Variants in FGF14 observed in about 807,000 individuals in gnomAD.
The protein encoded by FGF14 is fibroblast growth factor 14.
A neutral mutation model predicts 25.5 loss-of-function variants in FGF14; 5 were observed. That is an observed-to-expected ratio of 0.20 (90% CI 0.10 to 0.41). FGF14 has a LOEUF of 0.41. FGF14 is among the 10% of genes least tolerant of loss of function. The probability of loss-of-function intolerance (pLI) is 1.00; values close to 1 mark genes in which losing one functional copy is unlikely to be tolerated. For synonymous variants in FGF14, 138 were observed against 118.3 expected (o/e 1.17, Z -1.08); for missense variants, 222 against 320.1 (o/e 0.69, Z 2.34).
chr13:102,106,054 T>A (rs2044894844), intron 1 of FGF14, among the ~76,000 whole-genome samples: 1 of 152,154 alleles, frequency 6.6e-6, no homozygotes, highest in Admixed American at 6.5e-5. Flanking sequence ...AAGATCAACA[T>A]ATTTTTACAT....
intron 1 of FGF14, among the ~76,000 whole-genome samples, chr13:101,996,764 C>T (rs906009956): frequency 4.6e-5 from 7 of 152,192 alleles, no homozygotes; most frequent in Non-Finnish European, 7.3e-5. Context: ...GTTTTCATTG[C>T]TCTTCCTTCC....
chr13:101,809,176 A>G (rs1188373919), intron 3 of FGF14, among the ~76,000 whole-genome samples: 1 of 152,156 alleles, frequency 6.6e-6, no homozygotes, highest in Non-Finnish European at 1.5e-5. Flanking sequence ...TATGTTTTAC[A>G]ATAACATAAT....
intron 2 of FGF14, 147 bp downstream of exon 2, chr13:101,875,039 T>A (rs144078402): frequency 5.8e-6 from 4 of 689,144 alleles, no homozygotes; most frequent in Admixed American, 4.2e-5. Flanking sequence ...GTAGTTTAAA[T>A]AAAATTGTAA....
At chr13:101,890,124 C>T (rs146807159) in intron 1 of FGF14, among the ~76,000 whole-genome samples, 2 of 152,212 alleles carry the variant, frequency 1.3e-5, no homozygotes, top group East Asian at 3.9e-4. Flanking sequence ...GACATAGCTC[C>T]TTTAGACTAA....
At chr13:102,010,882 G>C (rs781383074) in intron 1 of FGF14, among the ~76,000 whole-genome samples, 8 of 152,190 alleles carry the variant, frequency 5.3e-5, no homozygotes, top group Non-Finnish European at 8.8e-5. Context: ...TAGGGATGAA[G>C]GATGAGAGAA....
At chr13:102,066,956 A>C (rs780298750) in intron 1 of FGF14, among the ~76,000 whole-genome samples, 2 of 152,160 alleles carry the variant, frequency 1.3e-5, no homozygotes, top group African/African-American at 2.4e-5. Context: ...ACAGAAAGTA[A>C]AAAATTGTAT....
At position 101,721,297 on chromosome 13, in the gene FGF14, T is replaced by TCAA. The variant is rs1751563706; in HGVS notation, c.*1531_*1533dup. The TCAA allele has an allele frequency of 6.6e-6, 1 of 152,180 alleles. No individual in the cohort carries two copies. Among genetic ancestry groups the TCAA allele is most frequent in the Admixed American group, 6.5e-5 (1 of 15,270 alleles). The allele number at this position is 152,180 out of a possible 1,614,324, so 9.4% of individuals were successfully genotyped here. A position where few individuals can be genotyped will look rare whatever the true frequency, so the allele number is the denominator to read the frequency against. The stretch of plus-strand genomic sequence containing the variant: ...TTTGCATGGAATCTTCATTGTGTAG[T>TCAA]CAACTGTTCCTGGCCTTTCTTGGTA... On this transcript the variant is annotated 3_prime_UTR_variant, in exon 5 of 5. Transcript: ENST00000376143.
intron 1 of FGF14, among the ~76,000 whole-genome samples, chr13:102,068,974 TC>T (rs1447228429): frequency 2.0e-5 from 3 of 152,170 alleles, no homozygotes; most frequent in Non-Finnish European, 4.4e-5. Context: ...TATGTCTAGC[TC>T]GGGATTGTAA....
intron 1 of FGF14, among the ~76,000 whole-genome samples, chr13:102,140,188 T>C (rs2046590395): frequency 6.6e-6 from 1 of 152,078 alleles, no homozygotes; most frequent in East Asian, 1.9e-4. Flanking sequence ...ATGGGGATAA[T>C]AATGGGGTCT....
chr13:101,752,108 A>C (rs1223505805), intron 3 of FGF14, among the ~76,000 whole-genome samples: 4 of 152,144 alleles, frequency 2.6e-5, no homozygotes, highest in Non-Finnish European at 5.9e-5. Context: ...AGCATTCTAC[A>C]CCATATATTT....
intron 3 of FGF14, among the ~76,000 whole-genome samples, chr13:101,782,102 C>T (rs928108285): frequency 6.6e-6 from 1 of 152,158 alleles, no homozygotes; most frequent in Non-Finnish European, 1.5e-5. Context: ...CTAATGTCTA[C>T]TGAATATTCT....
chr13:102,001,711 T>C (rs952065975), intron 1 of FGF14, among the ~76,000 whole-genome samples: 19 of 152,196 alleles, frequency 1.2e-4, no homozygotes, highest in Non-Finnish European at 2.5e-4. Flanking sequence ...AATGAAGGCC[T>C]AATTTCATCT....
intron 1 of FGF14, among the ~76,000 whole-genome samples, chr13:102,129,863 A>G (rs923555452): frequency 4.5e-4 from 68 of 152,314 alleles, no homozygotes; most frequent in African/African-American, 1.5e-3. Flanking sequence ...CCAACCTGGT[A>G]AATTAAAGTT....
intron 1 of FGF14, among the ~76,000 whole-genome samples, chr13:102,356,399 T>A (rs557479489): frequency 6.6e-6 from 1 of 152,370 alleles, no homozygotes; most frequent in East Asian, 1.9e-4. Context: ...GAAAGAGTTG[T>A]AATTGCTTTA....
chr13:102,305,418 T>A (rs564761244), intron 1 of FGF14, among the ~76,000 whole-genome samples: 1 of 152,246 alleles, frequency 6.6e-6, no homozygotes, highest in South Asian at 2.1e-4. Context: ...ACCAATCAAA[T>A]GTGGATTGCC....
intron 1 of FGF14, among the ~76,000 whole-genome samples, chr13:101,970,442 T>C (rs2037523428): frequency 6.6e-6 from 1 of 152,180 alleles, no homozygotes; most frequent in Admixed American, 6.5e-5. Flanking sequence ...TAATCAAATA[T>C]TCAGATCCTG....
At chr13:102,371,544 G>A (rs149251976) in intron 1 of FGF14, among the ~76,000 whole-genome samples, 2 of 152,184 alleles carry the variant, frequency 1.3e-5, no homozygotes, top group African/African-American at 4.8e-5. Flanking sequence ...TCATTTCATT[G>A]TTATAGCTCT....
At chr13:102,145,351 T>C (rs1054854858) in intron 1 of FGF14, among the ~76,000 whole-genome samples, 53 of 152,154 alleles carry the variant, frequency 3.5e-4, no homozygotes, top group African/African-American at 1.3e-3. Context: ...GACGTCTGGA[T>C]CTGCTAAAGC....
intron 1 of FGF14, among the ~76,000 whole-genome samples, chr13:101,943,514 C>G (rs1278537469): frequency 6.6e-6 from 1 of 152,176 alleles, no homozygotes; most frequent in Non-Finnish European, 1.5e-5. Context: ...AAGACAGCCC[C>G]TCACAACAAA....
Sources: gnomAD v4.1 joint callset for allele counts (sites outside exome capture counted in the v4.1 genomes callset) on GRCh38, gnomAD v4.1.1 for gene constraint, MANE v1.5 for transcripts, NCBI Gene and HGNC (gene_info 2026-07-23, HGNC 2026-07-21) for gene names.